TRABD2B: variants seen among roughly 807,000 people sequenced by gnomAD.
TRABD2B encodes TraB domain containing 2B.
In TRABD2B, 14 loss-of-function variants were observed where a neutral mutation model predicts 40.1. The ratio of observed to expected loss-of-function variants is 0.35; its 90% confidence interval spans 0.23 to 0.55. The LOEUF is 0.55. TRABD2B is among the 20% of genes least tolerant of loss of function. The pLI is 0.90. For synonymous variants in TRABD2B, 263 were observed against 277.0 expected (o/e 0.95, Z 0.50); for missense variants, 541 against 648.6 (o/e 0.83, Z 1.80).
intron 2 of TRABD2B, among the ~76,000 whole-genome samples, chr1:47,961,911 C>G (rs984213566): frequency 6.6e-6 from 1 of 152,170 alleles, no homozygotes; most frequent in Non-Finnish European, 1.5e-5. Flanking sequence ...GACACATGCA[C>G]ACGTATGTTT....
intron 2 of TRABD2B, among the ~76,000 whole-genome samples, chr1:47,854,647 G>A (rs1570130710): frequency 6.6e-6 from 1 of 152,208 alleles, no homozygotes; most frequent in Admixed American, 6.5e-5. Flanking sequence ...TGCTAGGGAA[G>A]TGACCTCGCA....
chr1:47,915,202 T>C (rs1644814666), intron 2 of TRABD2B, among the ~76,000 whole-genome samples: 1 of 152,186 alleles, frequency 6.6e-6, no homozygotes, highest in South Asian at 2.1e-4. Context: ...TGGAACATCA[T>C]GCACAAAAGC....
intron 2 of TRABD2B, among the ~76,000 whole-genome samples, chr1:47,884,258 T>C (rs917575466): frequency 2.0e-5 from 3 of 152,210 alleles, no homozygotes; most frequent in African/African-American, 7.2e-5. Flanking sequence ...AAATGGTGCC[T>C]GTCACTTCTG....
intron 2 of TRABD2B, among the ~76,000 whole-genome samples, chr1:47,809,580 TTTC>T (rs1644936424): frequency 6.6e-6 from 1 of 152,192 alleles, no homozygotes; most frequent in Non-Finnish European, 1.5e-5. Context: ...CTGGGGGACA[TTTC>T]TTCAAAGGTT....
chr1:47,828,472 G>A (rs751183783), intron 2 of TRABD2B, among the ~76,000 whole-genome samples: 22 of 152,218 alleles, frequency 1.4e-4, no homozygotes, highest in Non-Finnish European at 2.4e-4. Context: ...GACAGTGCAC[G>A]AGGGCCGCTC....
chr1:47,818,550 C>T (rs763224920), intron 2 of TRABD2B: 7 of 152,226 alleles, frequency 4.6e-5, no homozygotes, highest in Non-Finnish European at 8.8e-5. Flanking sequence ...ACATGACTTT[C>T]CTCTCAAACA....
intron 2 of TRABD2B, among the ~76,000 whole-genome samples, chr1:47,846,857 T>TATACACACACACACACACACACACAC (rs374941615): frequency 1.9e-5 from 2 of 106,396 alleles, no homozygotes; most frequent in Admixed American, 9.1e-5. Flanking sequence ...AAAACATGCA[T>TATACACACACACACACACACACACAC]ACACACACAC....
At chr1:47,785,847 G>A (rs970151905) in intron 4 of TRABD2B, among the ~76,000 whole-genome samples, 1 of 152,194 alleles carries the variant, frequency 6.6e-6, no homozygotes, top group Non-Finnish European at 1.5e-5. Context: ...GGAGCTCCCT[G>A]TTGGCAGGGA....
intron 2 of TRABD2B, among the ~76,000 whole-genome samples, chr1:47,904,119 A>C (rs1644643034): frequency 6.6e-6 from 1 of 152,242 alleles, no homozygotes; most frequent in Admixed American, 6.5e-5. Context: ...GTAACAGGGC[A>C]CTGATTGTGA....
At chr1:47,837,125 C>T (rs1434921879) in intron 2 of TRABD2B, among the ~76,000 whole-genome samples, 2 of 152,194 alleles carry the variant, frequency 1.3e-5, no homozygotes, top group African/African-American at 4.8e-5. Flanking sequence ...GTTCACACCA[C>T]AGGGGAGAGC....
chr1:47,785,978 A>G (rs1191092369), intron 4 of TRABD2B, among the ~76,000 whole-genome samples: 2 of 152,202 alleles, frequency 1.3e-5, no homozygotes, highest in African/African-American at 4.8e-5. Context: ...CCTCGACCCC[A>G]GTGGCTCTAC....
At chr1:47,943,482 C>A (rs1221482880) in intron 2 of TRABD2B, among the ~76,000 whole-genome samples, 2 of 152,128 alleles carry the variant, frequency 1.3e-5, no homozygotes, top group African/African-American at 4.8e-5. Context: ...TAATGCAAGA[C>A]CTTAGTTCCA....
chr1:47,825,863 G>C (rs1645167307), intron 2 of TRABD2B, among the ~76,000 whole-genome samples: 1 of 152,170 alleles, frequency 6.6e-6, no homozygotes, highest in African/African-American at 2.4e-5. Context: ...TCAGGAGCCT[G>C]GGTTCATGTT....
In TRABD2B at chr1:47,996,940, T is replaced by G. The variant is rs370218444; in HGVS notation, c.-151A>C. 3.6e-6 allele frequency: 4 copies of G among 1,116,828 alleles called. No homozygotes were observed. The African/African-American group carries it at 5.0e-5, about 14-fold the overall frequency. The allele number at this position is 1,116,828 out of a possible 1,614,324, so 69.2% of individuals were successfully genotyped here. A position where few individuals can be genotyped will look rare whatever the true frequency, so the allele number is the denominator to read the frequency against. On this transcript the variant is annotated 5_prime_UTR_variant, in exon 1 of 7. Coordinates refer to ENST00000606738, the MANE Select transcript of TRABD2B (RefSeq NM_001194986.2). The surrounding 1 kb of genome is among the most constrained non-coding windows in gnomAD (Gnocchi z 4.6). ...CCTCTGGGGCGTGGCTGACTGTCCC[T>G]GTCGGACCTGGGGGTTTCTCTGGGG...
chr1:47,821,453 T>C (rs1645107706), intron 2 of TRABD2B, among the ~76,000 whole-genome samples: 1 of 152,214 alleles, frequency 6.6e-6, no homozygotes, highest in Non-Finnish European at 1.5e-5. Context: ...GACTTGGCTG[T>C]GGGAGCAGAA....
Position 47,996,625 on chromosome 1 carries a change from A to C in TRABD2B, c.102+63T>G. On this transcript the variant is annotated intron_variant, in intron 1 of 6. Coordinates refer to ENST00000606738, the MANE Select transcript of TRABD2B (RefSeq NM_001194986.2). This position sits in a 1 kb window ranked among gnomAD's most constrained non-coding sequence, Gnocchi z 4.6. Reference sequence around the variant, plus strand: ...TGGGTGCGGAAGCAGGACCCAAACCATGGTCCCACGGGACTAGAATACCCA... The same window carrying C: ...TGGGTGCGGAAGCAGGACCCAAACCCTGGTCCCACGGGACTAGAATACCCA... The C allele has an allele frequency of 8.2e-7, 1 of 1,214,896 alleles. No homozygotes were observed. Among genetic ancestry groups the C allele is most frequent in the East Asian group, 3.3e-5 (1 of 30,328 alleles). 75.3% of individuals were successfully genotyped at this position (1,214,896 alleles called of 1,614,324 possible). A position where few individuals can be genotyped will look rare whatever the true frequency, so the allele number is the denominator to read the frequency against.
At chr1:47,824,048 T>C (rs1029722119) in intron 2 of TRABD2B, among the ~76,000 whole-genome samples, 3 of 152,296 alleles carry the variant, frequency 2.0e-5, no homozygotes, top group African/African-American at 7.2e-5. Flanking sequence ...TCGCTGTCAC[T>C]GGCCTTCAGA....
intron 2 of TRABD2B, among the ~76,000 whole-genome samples, chr1:47,949,080 ATAACTT>A (rs1290239595): frequency 1.3e-5 from 2 of 152,218 alleles, no homozygotes; most frequent in Non-Finnish European, 2.9e-5. Context: ...AGTTCAAACA[ATAACTT>A]TAATGCTATT....
At chr1:47,962,129 C>T (rs1645527105) in intron 2 of TRABD2B, among the ~76,000 whole-genome samples, 1 of 151,526 alleles carries the variant, frequency 6.6e-6, no homozygotes, top group South Asian at 2.1e-4. Flanking sequence ...AGCCAAACAC[C>T]ACATGTTCTC....
Sources: allele counts gnomAD v4.1 joint callset (sites outside exome capture counted in the v4.1 genomes callset), GRCh38; gene constraint gnomAD v4.1.1; non-coding constraint Gnocchi (gnomAD v3.1); transcripts MANE v1.5; gene names NCBI Gene and HGNC (gene_info 2026-07-23, HGNC 2026-07-21).